The following FXYD6 variants were observed in gnomAD, a reference collection of about 807,000 sequenced individuals.
The protein encoded by FXYD6 is FXYD domain containing ion transport regulator 6, also known as FXYD domain-containing ion transport regulator 6.
Under a neutral mutation model 16.7 loss-of-function variants are expected in FXYD6, and 7 were observed. That is an observed-to-expected ratio of 0.42 (90% confidence interval 0.24 to 0.79). The LOEUF (loss-of-function observed/expected upper bound fraction) is 0.79. Among genes scored for constraint, FXYD6 ranks in the 30% least tolerant of loss-of-function variants. The pLI is 0.28. For synonymous variants in FXYD6, 49 were observed against 43.0 expected (o/e 1.14, Z -0.54); for missense variants, 111 against 116.2 (o/e 0.95, Z 0.21).
chr11:117,837,904 G>T lies in FXYD6; in HGVS notation c.*395C>A. ...CTCCTAGGAGCAGAAGGTGATGGAGGGCCACGGGGGCAGGGAGGAGCAGAT... is the reference window on the plus strand; with the variant it reads ...CTCCTAGGAGCAGAAGGTGATGGAGTGCCACGGGGGCAGGGAGGAGCAGAT... On this transcript the variant is annotated 3_prime_UTR_variant, in exon 8 of 8. Transcript: ENST00000526014. This position sits in a 1 kb window ranked among gnomAD's most constrained non-coding sequence, Gnocchi z 4.4. 2.6e-6 allele frequency: 1 copy of T among 386,216 alleles called. No individual in the cohort carries two copies. Among genetic ancestry groups the T allele is most frequent in the Non-Finnish European group, 4.8e-6 (1 of 209,656 alleles). 23.9% of individuals were successfully genotyped at this position (386,216 alleles called of 1,614,324 possible). A position where few individuals can be genotyped will look rare whatever the true frequency, so the allele number is the denominator to read the frequency against.
intron 1 of FXYD6, among the ~76,000 whole-genome samples, chr11:117,866,012 C>T (rs1448474351): frequency 2.6e-5 from 4 of 152,164 alleles, no homozygotes; most frequent in Middle Eastern, 3.4e-3. Flanking sequence ...ACCTTGAGGA[C>T]GTGAGGCCAA....
rs550235009 is a variant in FXYD6, at chr11:117,837,534, G to A, written c.*765C>T. On this transcript the variant is annotated 3_prime_UTR_variant, in exon 8 of 8. Coordinates refer to ENST00000526014, the MANE Select transcript of FXYD6 (RefSeq NM_022003.4). This position sits in a 1 kb window ranked among gnomAD's most constrained non-coding sequence, Gnocchi z 4.4. ...CCCAGGGGCAGAGTAGAAGCCCTGG[G>A]CCTGGAATCCCCGGGCGCTCTGTGA... The A allele has an allele frequency of 6.5e-6, 1 of 152,894 alleles. No individual in the cohort carries two copies. Among genetic ancestry groups the A allele is most frequent in the East Asian group, 1.9e-4 (1 of 5,174 alleles). 9.5% of individuals were successfully genotyped at this position (152,894 alleles called of 1,614,324 possible).
chr11:117,842,143 C>T lies in FXYD6; in HGVS notation c.59-115G>A, dbSNP rs1489506875. ...CAAAGGAATTCCAGAGGAGCAGGGC[C>T]CATTAAACAGAGATGCCTAGAGGTG... On this transcript the variant is annotated intron_variant, in intron 2 of 7. Transcript: ENST00000526014. The T allele has an allele frequency of 5.3e-6, 8 of 1,516,570 alleles. No individual in the cohort carries two copies. The African/African-American group carries it at 9.6e-5, about 18-fold the overall frequency. 93.9% of individuals were successfully genotyped at this position (1,516,570 alleles called of 1,614,324 possible).
intron 1 of FXYD6, among the ~76,000 whole-genome samples, chr11:117,850,330 T>C (rs563448975): frequency 3.6e-4 from 54 of 151,890 alleles, no homozygotes; most frequent in African/African-American, 1.3e-3. Flanking sequence ...CTTAGAATAT[T>C]CTAACAGATA....
At chr11:117,853,307 A>G (rs571067101) in intron 1 of FXYD6, among the ~76,000 whole-genome samples, 1 of 152,296 alleles carries the variant, frequency 6.6e-6, no homozygotes, top group African/African-American at 2.4e-5. Context: ...GCAGATACCA[A>G]CCTGAGATCA....
chr11:117,875,957 T>C (rs927099101), intron 1 of FXYD6, among the ~76,000 whole-genome samples: 1 of 152,054 alleles, frequency 6.6e-6, no homozygotes, highest in African/African-American at 2.4e-5. Flanking sequence ...AAGGGGGCAA[T>C]GGCGGACCCC....
At chr11:117,858,366 G>C (rs2056783574) in intron 1 of FXYD6, 1 of 152,342 alleles carries the variant, frequency 6.6e-6, no homozygotes, top group Admixed American at 6.5e-5. Context: ...CAGAGCTCCA[G>C]GGGGGCTTTC....
chr11:117,847,447 T>C (rs111873542), intron 1 of FXYD6, among the ~76,000 whole-genome samples: 36 of 152,206 alleles, frequency 2.4e-4, no homozygotes, highest in African/African-American at 8.2e-4. Context: ...ATGTGCCATG[T>C]TGGTGTGCTG....
intron 2 of FXYD6, 67 bp downstream of exon 2, chr11:117,842,652 C>T: frequency 6.6e-7 from 1 of 1,515,996 alleles, no homozygotes; most frequent in Admixed American, 2.0e-5. Flanking sequence ...GGGCCCAGAA[C>T]CTTCCAGCAG....
chr11:117,855,830 A>T (rs558324866), intron 1 of FXYD6, among the ~76,000 whole-genome samples: 2 of 152,146 alleles, frequency 1.3e-5, no homozygotes, highest in Non-Finnish European at 2.9e-5. Flanking sequence ...CTGAGAAATC[A>T]TCACTGCTGG....
rs1453415389 is a variant in FXYD6, at chr11:117,872,240, G to A, written c.-6+4352C>T. ...ATGTGTGAGCCACTGCCTCCCTGTC[G>A]GGTGTGGGAGATTATATATGTGTGA... On this transcript the variant is annotated intron_variant, in intron 1 of 7. Coordinates refer to ENST00000526014, the MANE Select transcript of FXYD6 (RefSeq NM_022003.4). This position sits in a 1 kb window ranked among gnomAD's most constrained non-coding sequence, Gnocchi z 4.9. 6.6e-6 allele frequency among the ~76,000 whole-genome samples: 1 copy of A among 152,184 alleles called. No homozygotes were observed. Among genetic ancestry groups the A allele is most frequent in the Non-Finnish European group, 1.5e-5 (1 of 68,044 alleles).
chr11:117,853,598 C>T (rs1328875252), intron 1 of FXYD6, among the ~76,000 whole-genome samples: 1 of 152,122 alleles, frequency 6.6e-6, no homozygotes, highest in Non-Finnish European at 1.5e-5. Context: ...CCTGAGTGAT[C>T]CTCCTGCCTC....
At chr11:117,845,427 T>C (rs2056447382) in intron 1 of FXYD6, among the ~76,000 whole-genome samples, 1 of 152,266 alleles carries the variant, frequency 6.6e-6, no homozygotes, top group Non-Finnish European at 1.5e-5. Context: ...AATATTATGT[T>C]GCTTAGTGTA....
At chr11:117,862,421 C>A (rs978505560) in intron 1 of FXYD6, among the ~76,000 whole-genome samples, 1 of 152,178 alleles carries the variant, frequency 6.6e-6, no homozygotes, top group African/African-American at 2.4e-5. Flanking sequence ...GAAAATGCAC[C>A]AGGGCAGGGT....
intron 1 of FXYD6, among the ~76,000 whole-genome samples, chr11:117,854,313 G>C (rs764614180): frequency 1.3e-5 from 2 of 152,206 alleles, no homozygotes; most frequent in Non-Finnish European, 2.9e-5. Context: ...AAGAGGGAGT[G>C]CAGTGTTGGC....
At chr11:117,869,185 G>A (rs2057077430) in intron 1 of FXYD6, 1 of 152,314 alleles carries the variant, frequency 6.6e-6, no homozygotes, top group Non-Finnish European at 1.5e-5. Context: ...AGTCGAGGAG[G>A]AGACTGGACT....
intron 1 of FXYD6, among the ~76,000 whole-genome samples, chr11:117,873,755 G>A (rs2057191546): frequency 6.6e-6 from 1 of 152,158 alleles, no homozygotes; most frequent in Non-Finnish European, 1.5e-5. Context: ...GATTTCGGTG[G>A]GTGGACTCCC....
chr11:117,841,017 C>A (rs184152339), intron 5 of FXYD6, 131 bp downstream of exon 5: 2 of 1,192,096 alleles, frequency 1.7e-6, no homozygotes, highest in Admixed American at 4.8e-5. Context: ...TCCAGCCCTA[C>A]GTCCCAACAC....
intron 1 of FXYD6, among the ~76,000 whole-genome samples, chr11:117,858,939 C>G (rs2056839230): frequency 6.6e-6 from 1 of 151,896 alleles, no homozygotes; most frequent in South Asian, 2.1e-4. Flanking sequence ...CCACACCCAG[C>G]TAAGTTTTGT....
Sources: allele counts gnomAD v4.1 joint callset (sites outside exome capture counted in the v4.1 genomes callset), GRCh38; gene constraint gnomAD v4.1.1; non-coding constraint Gnocchi (gnomAD v3.1); transcripts MANE v1.5; gene names NCBI Gene and HGNC (gene_info 2026-07-23, HGNC 2026-07-21).